ERBB4: variants seen among roughly 807,000 people sequenced by gnomAD.
The protein encoded by ERBB4 is erb-b2 receptor tyrosine kinase 4.
ERBB4 carries 42 observed loss-of-function variants against 158.0 expected under a neutral mutation model. That is an observed-to-expected ratio of 0.27 (90% CI 0.21 to 0.34). The LOEUF (loss-of-function observed/expected upper bound fraction) is 0.34. Among genes scored for constraint, ERBB4 ranks in the 10% least tolerant of loss-of-function variants. The pLI is 1.00. For missense variants in ERBB4, 1,333 were observed against 1,624.1 expected, an observed-to-expected ratio of 0.82 and a Z score of 3.08; for synonymous variants, 583 against 558.7, an observed-to-expected ratio of 1.04 and a Z score of -0.61.
chr2:212,070,935 CTTA>C (rs1362520976), intron 2 of ERBB4, among the ~76,000 whole-genome samples: 3 of 151,580 alleles, frequency 2.0e-5, no homozygotes, highest in Admixed American at 1.3e-4. Context: ...TATTTTCATT[CTTA>C]TTATGTTTTA....
At chr2:211,927,275 A>G (rs146395349) in intron 3 of ERBB4, among the ~76,000 whole-genome samples, 6 of 152,336 alleles carry the variant, frequency 3.9e-5, no homozygotes, top group East Asian at 1.9e-4. Flanking sequence ...CATAATTTTT[A>G]AAGTAAGTTC....
At chr2:211,897,689 G>A (rs963088815) in intron 3 of ERBB4, among the ~76,000 whole-genome samples, 2 of 151,780 alleles carry the variant, frequency 1.3e-5, no homozygotes, top group Non-Finnish European at 2.9e-5. Context: ...TACTTTTTTT[G>A]TTCTTTTTTT....
chr2:211,879,640 C>T (rs1026392154), intron 3 of ERBB4, among the ~76,000 whole-genome samples: 1 of 151,954 alleles, frequency 6.6e-6, no homozygotes, highest in Non-Finnish European at 1.5e-5. Flanking sequence ...TGAGACTGCC[C>T]TTTTAAGATT....
chr2:211,777,029 TA>T (rs1171307132), intron 4 of ERBB4, among the ~76,000 whole-genome samples: 1 of 152,108 alleles, frequency 6.6e-6, no homozygotes, highest in East Asian at 1.9e-4. Context: ...TTGGCAAGGG[TA>T]CATTTACCTA....
chr2:211,565,205 C>CGATACA (rs957231848), intron 19 of ERBB4, among the ~76,000 whole-genome samples: 1 of 152,034 alleles, frequency 6.6e-6, no homozygotes, highest in African/African-American at 2.4e-5. Flanking sequence ...ATCATACTTA[C>CGATACA]GATACAGCAC....
At chr2:211,445,370 C>T (rs1339783330) in intron 20 of ERBB4, among the ~76,000 whole-genome samples, 1 of 152,032 alleles carries the variant, frequency 6.6e-6, no homozygotes, top group Non-Finnish European at 1.5e-5. Flanking sequence ...TGGGACCTTA[C>T]CAATGAGGTT....
intron 1 of ERBB4, among the ~76,000 whole-genome samples, chr2:212,432,226 G>T (rs746792363): frequency 1.3e-5 from 2 of 152,004 alleles, no homozygotes; most frequent in East Asian, 1.9e-4. Context: ...ATTTTTTTAG[G>T]CTTGTTAATA....
chr2:212,268,581 C>A (rs768443775), intron 1 of ERBB4, among the ~76,000 whole-genome samples: 1 of 151,796 alleles, frequency 6.6e-6, no homozygotes, highest in East Asian at 1.9e-4. Flanking sequence ...TTTCAAGGGT[C>A]AAGAAACTTC....
At chr2:212,040,022 T>C (rs2077100728) in intron 2 of ERBB4, among the ~76,000 whole-genome samples, 1 of 152,094 alleles carries the variant, frequency 6.6e-6, no homozygotes, top group South Asian at 2.1e-4. Flanking sequence ...CTATGTTTTT[T>C]TTTTTAGTTC....
At chr2:212,052,172 C>T (rs1490655078) in intron 2 of ERBB4, among the ~76,000 whole-genome samples, 3 of 152,194 alleles carry the variant, frequency 2.0e-5, no homozygotes, top group African/African-American at 7.2e-5. Context: ...GGCAGACTTG[C>T]TGAGTCTTCC....
intron 1 of ERBB4, among the ~76,000 whole-genome samples, chr2:212,452,204 T>C (rs2092456321): frequency 6.6e-6 from 1 of 152,122 alleles, no homozygotes; most frequent in Non-Finnish European, 1.5e-5. Flanking sequence ...ACCTTGCATA[T>C]TTTATTAACA....
chr2:211,609,373 A>T (rs2069105786), intron 19 of ERBB4, among the ~76,000 whole-genome samples: 1 of 152,176 alleles, frequency 6.6e-6, no homozygotes, highest in East Asian at 1.9e-4. Context: ...ACAAGAATTT[A>T]GACAGACAGG....
intron 1 of ERBB4, among the ~76,000 whole-genome samples, chr2:212,348,133 G>A (rs1356495047): frequency 6.6e-6 from 1 of 152,084 alleles, no homozygotes; most frequent in Non-Finnish European, 1.5e-5. Context: ...AAATGTCACA[G>A]GAAAAGGAAG....
intron 20 of ERBB4, among the ~76,000 whole-genome samples, chr2:211,480,488 A>T (rs568088166): frequency 6.6e-6 from 1 of 152,284 alleles, no homozygotes; most frequent in African/African-American, 2.4e-5. Flanking sequence ...ATGTGAAGAC[A>T]AACTTGCTTC....
chr2:212,434,796 T>A (rs1303907887), intron 1 of ERBB4, among the ~76,000 whole-genome samples: 1 of 152,028 alleles, frequency 6.6e-6, no homozygotes, highest in African/African-American at 2.4e-5. Flanking sequence ...ATCATTCTTA[T>A]TACATACAAC....
Position 212,503,838 on chromosome 2 carries a change from A to C in ERBB4, c.82+34611T>G, listed in dbSNP as rs138219192. On this transcript the variant is annotated intron_variant, in intron 1 of 27. Transcript: ENST00000342788. Reference sequence around the variant, plus strand: ...TTGAAGGTCCTGTCTTTTGCCAGTTACAGCCAGAGTTATGTCTTAAGGGAT... The same window carrying C: ...TTGAAGGTCCTGTCTTTTGCCAGTTCCAGCCAGAGTTATGTCTTAAGGGAT... 2.6e-4 allele frequency among the ~76,000 whole-genome samples: 40 copies of C among 152,244 alleles called. No individual in the cohort carries two copies. The East Asian group carries it at 7.7e-3, about 29-fold the overall frequency.
chr2:212,451,270 T>C (rs537070540), intron 1 of ERBB4, among the ~76,000 whole-genome samples: 1 of 152,332 alleles, frequency 6.6e-6, no homozygotes, highest in East Asian at 1.9e-4. Context: ...GAAAAGTTCA[T>C]ATTTGCACTG....
chr2:211,521,320 G>A (rs2066179860), intron 20 of ERBB4, among the ~76,000 whole-genome samples: 1 of 152,116 alleles, frequency 6.6e-6, no homozygotes, highest in South Asian at 2.1e-4. Context: ...TCATTTTAGT[G>A]GTCTAGATCG....
intron 20 of ERBB4, among the ~76,000 whole-genome samples, chr2:211,528,740 A>G (rs905008327): frequency 5.3e-5 from 8 of 152,054 alleles, no homozygotes; most frequent in African/African-American, 1.9e-4. Context: ...AAATTAACCA[A>G]TATGCTACTG....
Sources: gnomAD v4.1 joint callset for allele counts (sites outside exome capture counted in the v4.1 genomes callset) on GRCh38, gnomAD v4.1.1 for gene constraint, MANE v1.5 for transcripts, NCBI Gene and HGNC (gene_info 2026-07-23, HGNC 2026-07-21) for gene names.